The following ELAVL2 variants were observed in gnomAD, a reference collection of about 807,000 sequenced individuals.
ELAVL2 encodes ELAV like RNA binding protein 2.
In ELAVL2, 4 loss-of-function variants were observed where a neutral mutation model predicts 34.6. The ratio of observed to expected loss-of-function variants is 0.12; its 90% CI spans 0.06 to 0.26. The LOEUF (loss-of-function observed/expected upper bound fraction) is 0.26. ELAVL2 is among the 10% of genes least tolerant of loss of function. The pLI is 1.00. For missense variants in ELAVL2, 432 were observed against 442.8 expected, an observed-to-expected ratio of 0.98 and a Z score of 0.22; for synonymous variants, 193 against 154.8, an observed-to-expected ratio of 1.25 and a Z score of -1.83.
At chr9:23,731,884 C>A (rs1049247931) in intron 2 of ELAVL2, among the ~76,000 whole-genome samples, 2 of 152,206 alleles carry the variant, frequency 1.3e-5, no homozygotes, top group Non-Finnish European at 2.9e-5. Flanking sequence ...TTGCCACCCT[C>A]CCCCCATCAT....
intron 2 of ELAVL2, among the ~76,000 whole-genome samples, chr9:23,753,058 T>C (rs1300305487): frequency 6.6e-6 from 1 of 152,190 alleles, no homozygotes; most frequent in Non-Finnish European, 1.5e-5. Context: ...TTTTGAAATA[T>C]TGACAATCTA....
At chr9:23,702,452 C>T (rs1488016116) in intron 4 of ELAVL2, among the ~76,000 whole-genome samples, 1 of 151,918 alleles carries the variant, frequency 6.6e-6, no homozygotes, top group South Asian at 2.1e-4. Context: ...AGAGGGAAAC[C>T]CAGCTTATTC....
At chr9:23,702,002 C>G (rs1325230721) in intron 4 of ELAVL2, among the ~76,000 whole-genome samples, 1 of 152,036 alleles carries the variant, frequency 6.6e-6, no homozygotes, top group Non-Finnish European at 1.5e-5. Context: ...ATGAGGGACA[C>G]AGTAGTTCCT....
the ELAVL2 span, among the ~76,000 whole-genome samples, chr9:23,845,610 T>C: frequency 6.6e-6 from 1 of 151,544 alleles, no homozygotes; most frequent in Admixed American, 6.6e-5. Context: ...CAAAATTATC[T>C]GACTTAAAAA....
chr9:23,746,371 T>G (rs1427381081), intron 2 of ELAVL2, among the ~76,000 whole-genome samples: 1 of 152,176 alleles, frequency 6.6e-6, no homozygotes, highest in East Asian at 1.9e-4. Flanking sequence ...AAATATTGTT[T>G]CAATGGAGTT....
chr9:23,704,305 T>C (rs933155636), intron 4 of ELAVL2, among the ~76,000 whole-genome samples: 4 of 152,188 alleles, frequency 2.6e-5, no homozygotes, highest in Non-Finnish European at 5.9e-5. Context: ...TATATTGCTA[T>C]AGCTTTGTTA....
chr9:23,764,942 G>A, intron 1 of ELAVL2: 1 of 1,437,900 alleles, frequency 7.0e-7, no homozygotes, highest in Non-Finnish European at 9.6e-7. Context: ...TGTTTGGTAT[G>A]GCCTCAGCAC....
At chr9:23,754,966 A>G (rs1205875104) in intron 2 of ELAVL2, among the ~76,000 whole-genome samples, 1 of 152,116 alleles carries the variant, frequency 6.6e-6, no homozygotes, top group Non-Finnish European at 1.5e-5. Flanking sequence ...TTCTGTATAA[A>G]CCAACCTTGT....
At chr9:23,786,847 G>A (rs947768363) in intron 1 of ELAVL2, among the ~76,000 whole-genome samples, 1 of 149,806 alleles carries the variant, frequency 6.7e-6, no homozygotes, top group Admixed American at 6.7e-5. Context: ...TAAGCCACTG[G>A]AATTTTAAAG....
chr9:23,753,371 T>C (rs1316991900), intron 2 of ELAVL2, among the ~76,000 whole-genome samples: 1 of 152,096 alleles, frequency 6.6e-6, no homozygotes, highest in East Asian at 1.9e-4. Context: ...AAAGGAAATG[T>C]TCCAACAGGT....
chr9:23,821,852 G>C (rs1044902550), intron 1 of ELAVL2: 6 of 151,458 alleles, frequency 4.0e-5, no homozygotes, highest in Non-Finnish European at 8.8e-5. Flanking sequence ...CGTTTGTAGC[G>C]GGGCGGGAAG....
At chr9:23,705,576 C>A (rs1563975581) in intron 3 of ELAVL2, among the ~76,000 whole-genome samples, 1 of 152,202 alleles carries the variant, frequency 6.6e-6, no homozygotes. Flanking sequence ...TGGTCCCCAA[C>A]CTTTTTGGTA....
chr9:23,829,260 G>C (rs1465388515), upstream of ELAVL2, among the ~76,000 whole-genome samples: 1 of 152,130 alleles, frequency 6.6e-6, no homozygotes, highest in Non-Finnish European at 1.5e-5. Flanking sequence ...AAAAAGTCAT[G>C]AATTTAATTA....
chr9:23,825,424 T>C (rs2065238370), intron 1 of ELAVL2, among the ~76,000 whole-genome samples: 1 of 152,152 alleles, frequency 6.6e-6, no homozygotes, highest in Non-Finnish European at 1.5e-5. Context: ...GTAAAGCCTC[T>C]CCCGTCCTTC....
intron 2 of ELAVL2, among the ~76,000 whole-genome samples, chr9:23,742,312 C>T (rs1043253445): frequency 6.6e-6 from 1 of 152,160 alleles, no homozygotes; most frequent in Non-Finnish European, 1.5e-5. Context: ...TATGAGTGGA[C>T]AAAGTGTTAA....
intron 1 of ELAVL2, among the ~76,000 whole-genome samples, chr9:23,802,511 G>C (rs1375103400): frequency 6.6e-6 from 1 of 152,008 alleles, no homozygotes; most frequent in South Asian, 2.1e-4. Context: ...CCCTCCCCTA[G>C]AAAGATGACT....
At chr9:23,821,928 C>A (rs1022068177) in intron 1 of ELAVL2, 2 of 151,310 alleles carry the variant, frequency 1.3e-5, no homozygotes, top group Non-Finnish European at 1.5e-5. Context: ...CCGCGGCCGC[C>A]GCCGGCGCGT....
chr9:23,722,021 G>C (rs1290828161), intron 3 of ELAVL2, among the ~76,000 whole-genome samples: 1 of 152,168 alleles, frequency 6.6e-6, no homozygotes, highest in East Asian at 1.9e-4. Context: ...CAACTGTACA[G>C]CTCTGTCTCA....
At chr9:23,726,761 C>T (rs923096814) in intron 3 of ELAVL2, among the ~76,000 whole-genome samples, 2 of 152,054 alleles carry the variant, frequency 1.3e-5, no homozygotes, top group African/African-American at 4.8e-5. Flanking sequence ...CACCGTTAAC[C>T]TAACAAGTCA....
Sources: allele counts gnomAD v4.1 joint callset (sites outside exome capture counted in the v4.1 genomes callset), GRCh38; gene constraint gnomAD v4.1.1; transcripts MANE v1.5; gene names NCBI Gene and HGNC (gene_info 2026-07-23, HGNC 2026-07-21).